The following GALNT13 variants were observed in gnomAD, a reference collection of about 807,000 sequenced individuals.
The protein encoded by GALNT13 is UDP-GalNAc:polypeptide N-acetylgalactosaminyltransferase 13.
A neutral mutation model predicts 64.2 loss-of-function variants in GALNT13; 28 were observed. That is an observed-to-expected ratio of 0.44 (90% CI 0.32 to 0.60). GALNT13 has a LOEUF of 0.60. GALNT13 is among the 20% of genes least tolerant of loss of function. The pLI, the probability that GALNT13 is intolerant of heterozygous loss-of-function variation, is 0.05. For synonymous variants in GALNT13, 214 were observed against 224.6 expected (o/e 0.95, Z 0.42); for missense variants, 577 against 669.8 (o/e 0.86, Z 1.53).
At chr2:153,345,719 G>GTCTTTCCTTCCTTCCTTTCT in the GALNT13 span, among the ~76,000 whole-genome samples, 7 of 79,976 alleles carry the variant, frequency 8.8e-5, 1 homozygote, top group African/African-American at 3.4e-4. Flanking sequence ...CTCTCTTTCT[G>GTCTTTCCTTCCTTCCTTTCT]TCCTTCCTTC....
the GALNT13 span, among the ~76,000 whole-genome samples, chr2:153,576,290 C>A: frequency 6.6e-6 from 1 of 152,106 alleles, no homozygotes; most frequent in Non-Finnish European, 1.5e-5. Flanking sequence ...GAGTGCCCCC[C>A]ATCCACAGTC....
At chr2:153,988,879 GT>G (rs1207603119) in intron 3 of GALNT13, among the ~76,000 whole-genome samples, 2 of 152,022 alleles carry the variant, frequency 1.3e-5, no homozygotes, top group East Asian at 3.9e-4. Context: ...CAAGTAAACA[GT>G]AAATGCCAGA....
At chr2:153,624,584 G>A in the GALNT13 span, among the ~76,000 whole-genome samples, 1 of 152,034 alleles carries the variant, frequency 6.6e-6, no homozygotes, top group African/African-American at 2.4e-5. Flanking sequence ...GCCAAGTAGA[G>A]TCCAACAGTG....
chr2:153,306,080 GT>G, the GALNT13 span, among the ~76,000 whole-genome samples: 5 of 152,196 alleles, frequency 3.3e-5, no homozygotes, highest in Admixed American at 1.3e-4. Context: ...GTAAACAGAA[GT>G]TTAATCTGTT....
At chr2:153,083,327 C>T in the GALNT13 span, among the ~76,000 whole-genome samples, 2 of 152,146 alleles carry the variant, frequency 1.3e-5, no homozygotes, top group African/African-American at 4.8e-5. Context: ...TTGTTTTCCA[C>T]AGTGGTTGCA....
chr2:153,510,923 G>C, the GALNT13 span, among the ~76,000 whole-genome samples: 2 of 151,968 alleles, frequency 1.3e-5, no homozygotes, highest in Non-Finnish European at 2.9e-5. Context: ...GGGCCACTCT[G>C]TGGTATCTCG....
chr2:153,822,504 AT>A, the GALNT13 span, among the ~76,000 whole-genome samples: 1 of 152,218 alleles, frequency 6.6e-6, no homozygotes, highest in Non-Finnish European at 1.5e-5. Flanking sequence ...CAATAGACAT[AT>A]AAAAAGCTTT....
the GALNT13 span, among the ~76,000 whole-genome samples, chr2:153,395,461 C>A: frequency 6.6e-6 from 1 of 152,068 alleles, no homozygotes; most frequent in Non-Finnish European, 1.5e-5. Flanking sequence ...CCAGGGATAT[C>A]CAGGGGTATT....
intron 4 of GALNT13, among the ~76,000 whole-genome samples, chr2:154,215,178 C>A (rs1341971777): frequency 6.6e-6 from 1 of 152,158 alleles, no homozygotes; most frequent in African/African-American, 2.4e-5. Context: ...CTCACTCTCC[C>A]TTGACTTTGG....
intron 9 of GALNT13, among the ~76,000 whole-genome samples, chr2:154,329,759 CTG>C (rs1336689052): frequency 6.6e-6 from 1 of 151,150 alleles, no homozygotes; most frequent in East Asian, 2.0e-4. Context: ...AGTTCTCACT[CTG>C]TTAGTTCCTG....
At chr2:153,493,948 C>T in the GALNT13 span, among the ~76,000 whole-genome samples, 1 of 151,862 alleles carries the variant, frequency 6.6e-6, no homozygotes, top group African/African-American at 2.4e-5. Flanking sequence ...GCTTACAGTT[C>T]TATGGGCTAT....
At chr2:153,656,859 A>T in the GALNT13 span, among the ~76,000 whole-genome samples, 1 of 152,086 alleles carries the variant, frequency 6.6e-6, no homozygotes, top group Non-Finnish European at 1.5e-5. Context: ...ATGAAGTCTA[A>T]AAAGAGAGGT....
At chr2:153,695,414 G>A in the GALNT13 span, among the ~76,000 whole-genome samples, 2 of 152,128 alleles carry the variant, frequency 1.3e-5, no homozygotes, top group Non-Finnish European at 2.9e-5. Flanking sequence ...TAAGTTTTAG[G>A]TCTGATAGAT....
chr2:153,445,539 G>A, the GALNT13 span, among the ~76,000 whole-genome samples: 1 of 152,002 alleles, frequency 6.6e-6, no homozygotes, highest in Admixed American at 6.6e-5. Context: ...ACAATGCCTG[G>A]GTAATTTTTT....
chr2:153,337,233 C>G, the GALNT13 span, among the ~76,000 whole-genome samples: 1 of 152,114 alleles, frequency 6.6e-6, no homozygotes, highest in African/African-American at 2.4e-5. Flanking sequence ...GCCTAAGAAA[C>G]AGAATTTCTT....
intron 9 of GALNT13, among the ~76,000 whole-genome samples, chr2:154,394,859 T>C (rs1444138495): frequency 6.6e-6 from 1 of 152,240 alleles, no homozygotes; most frequent in Non-Finnish European, 1.5e-5. Flanking sequence ...CAGAATGCTT[T>C]CTAATAACAC....
chr2:153,936,930 G>A (rs972386663), intron 2 of GALNT13, among the ~76,000 whole-genome samples: 2 of 152,036 alleles, frequency 1.3e-5, no homozygotes, highest in African/African-American at 4.8e-5. Context: ...TGTTAGCCAG[G>A]ATGGTCTCAA....
intron 11 of GALNT13, among the ~76,000 whole-genome samples, chr2:154,410,145 A>G (rs1699728848): frequency 6.6e-6 from 1 of 151,956 alleles, no homozygotes; most frequent in Admixed American, 6.6e-5. Context: ...GGATAGAAAC[A>G]ACATAGGCAG....
intron 4 of GALNT13, among the ~76,000 whole-genome samples, chr2:154,165,489 T>G (rs1463940679): frequency 6.6e-6 from 1 of 152,284 alleles, no homozygotes; most frequent in South Asian, 2.1e-4. Flanking sequence ...ATAAAGTTAG[T>G]TTTAGAAAGG....
Sources: gnomAD v4.1 joint callset for allele counts (sites outside exome capture counted in the v4.1 genomes callset) on GRCh38, gnomAD v4.1.1 for gene constraint, MANE v1.5 for transcripts, NCBI Gene and HGNC (gene_info 2026-07-23, HGNC 2026-07-21) for gene names.